Variants in KANSL1 observed in about 807,000 individuals in gnomAD.
The protein encoded by KANSL1 is KAT8 regulatory NSL complex subunit 1.
Under a neutral mutation model 103.6 loss-of-function variants are expected in KANSL1, and 22 were observed. The ratio of observed to expected loss-of-function variants is 0.21; its 90% CI spans 0.15 to 0.30. The LOEUF is 0.30. Ranked by LOEUF, KANSL1 falls within the 10% of genes least tolerant of loss-of-function variation. KANSL1 has a pLI of 1.00. For missense variants in KANSL1, 1,337 were observed against 1,399.8 expected (o/e 0.96, Z 0.72); for synonymous variants, 600 against 527.6 (o/e 1.14, Z -1.88).
chr17:46,102,413 C>T (rs1304920903), intron 2 of KANSL1, among the ~76,000 whole-genome samples: 1 of 152,142 alleles, frequency 6.6e-6, no homozygotes, highest in Admixed American at 6.5e-5. Context: ...CCATGCCTGG[C>T]TAATTTTTGT....
chr17:46,189,011 C>A (rs916087496), intron 1 of KANSL1, among the ~76,000 whole-genome samples: 3 of 107,814 alleles, frequency 2.8e-5, no homozygotes, highest in Non-Finnish European at 5.2e-5. Context: ...CCAGCCTGGG[C>A]AACAGAGCAA....
chr17:46,031,445 TAGTG>T lies in KANSL1; in HGVS notation c.*27_*30del, dbSNP rs768138439. 1.9e-6 allele frequency: 3 copies of T among 1,547,126 alleles called. No homozygotes were observed. The highest frequency in any genetic ancestry group is 3.4e-4 in the Middle Eastern group (2 of 5,898). ...TTTCTGAAGCTTTAATGCCAATAGTTAGTGAGTCTGTTTAGATGGCTGTCTCCCG... is the reference window on the plus strand; with the variant it reads ...TTTCTGAAGCTTTAATGCCAATAGTTAGTCTGTTTAGATGGCTGTCTCCCG... On this transcript the variant is annotated 3_prime_UTR_variant, in exon 15 of 15. Transcript: ENST00000432791.
chr17:46,050,439 A>G (rs2077672600), intron 7 of KANSL1, 94 bp downstream of exon 7: 22 of 1,271,888 alleles, frequency 1.7e-5, no homozygotes, highest in Non-Finnish European at 2.4e-5. Context: ...CCTTGAAAGT[A>G]TCTGAGTTGT....
intron 1 of KANSL1, among the ~76,000 whole-genome samples, chr17:46,185,053 G>A (rs1335908877): frequency 1.3e-5 from 2 of 151,988 alleles, no homozygotes; most frequent in African/African-American, 4.8e-5. Context: ...TGTTGGCCTG[G>A]CCTGACCTCG....
At chr17:46,158,324 T>C (rs934146025) in intron 2 of KANSL1, among the ~76,000 whole-genome samples, 1 of 151,850 alleles carries the variant, frequency 6.6e-6, no homozygotes, top group Non-Finnish European at 1.5e-5. Flanking sequence ...GGAGGAGGGG[T>C]TGGGGGAATT....
chr17:46,215,943 GGC>G (rs1247253932), intron 1 of KANSL1, among the ~76,000 whole-genome samples: 1 of 152,164 alleles, frequency 6.6e-6, no homozygotes, highest in African/African-American at 2.4e-5. Flanking sequence ...CGGAGGCTGA[GGC>G]AAGAGAGTCG....
At chr17:46,175,989 T>C (rs1382113130) in intron 1 of KANSL1, among the ~76,000 whole-genome samples, 4 of 152,220 alleles carry the variant, frequency 2.6e-5, no homozygotes, top group Non-Finnish European at 4.4e-5. Context: ...GTTTTTCCCA[T>C]GGACAAACGA....
intron 2 of KANSL1, among the ~76,000 whole-genome samples, chr17:46,140,272 T>C (rs2044354279): frequency 1.3e-5 from 2 of 152,202 alleles, no homozygotes; most frequent in Non-Finnish European, 2.9e-5. Context: ...CAACTAAATT[T>C]ACATTGTAAA....
chr17:46,184,586 C>T (rs1002761690), intron 1 of KANSL1, among the ~76,000 whole-genome samples: 1 of 152,204 alleles, frequency 6.6e-6, no homozygotes, highest in African/African-American at 2.4e-5. Context: ...CATCTCCAGC[C>T]TGTCCTCACT....
At chr17:46,042,748 GT>G (rs1233040962) in intron 7 of KANSL1, 1 of 147,422 alleles carries the variant, frequency 6.8e-6, no homozygotes, top group Non-Finnish European at 1.5e-5. Flanking sequence ...AGGACTGAAT[GT>G]TAGGCCTTCC....
intron 10 of KANSL1, among the ~76,000 whole-genome samples, chr17:46,036,873 A>G (rs941115774): frequency 6.6e-6 from 1 of 152,096 alleles, no homozygotes; most frequent in African/African-American, 2.4e-5. Flanking sequence ...CACCACGCCC[A>G]GTTAATTTTT....
chr17:46,189,165 G>A (rs2696566), intron 1 of KANSL1, among the ~76,000 whole-genome samples: 21,940 of 148,928 alleles, frequency 0.15, 2,144 homozygotes, highest in Non-Finnish European at 0.22. Flanking sequence ...AAACTGTAGC[G>A]CACAATGATT....
At chr17:46,077,058 TTTTG>T (rs1413032211) in intron 4 of KANSL1, among the ~76,000 whole-genome samples, 2 of 152,198 alleles carry the variant, frequency 1.3e-5, no homozygotes, top group African/African-American at 2.4e-5. Flanking sequence ...AGTACAATGT[TTTTG>T]TTTGTTTGAG....
intron 2 of KANSL1, among the ~76,000 whole-genome samples, chr17:46,142,893 TATAA>T (rs1360976255): frequency 6.6e-6 from 1 of 152,148 alleles, no homozygotes; most frequent in Non-Finnish European, 1.5e-5. Context: ...ATTCATACAA[TATAA>T]ATAAATACAA....
At chr17:46,056,440 GC>G (rs755185454) in intron 6 of KANSL1, among the ~76,000 whole-genome samples, 10 of 148,652 alleles carry the variant, frequency 6.7e-5, no homozygotes, top group Non-Finnish European at 1.2e-4. Flanking sequence ...CCACTTACTA[GC>G]TGTGTGGCCT....
At chr17:46,032,544 A>AAT (rs1235825227) in intron 13 of KANSL1, 18 of 427,688 alleles carry the variant, frequency 4.2e-5, no homozygotes, top group Non-Finnish European at 7.0e-5. Context: ...GTGCCTAGTG[A>AAT]ATTCAGGAGG....
intron 2 of KANSL1, among the ~76,000 whole-genome samples, chr17:46,102,626 A>G (rs17576842): frequency 0.14 from 21,690 of 151,982 alleles, 2,124 homozygotes; most frequent in Non-Finnish European, 0.22. Context: ...TTGTCTTACT[A>G]CTTCAACTAG....
intron 2 of KANSL1, among the ~76,000 whole-genome samples, chr17:46,096,311 CTTTTTT>C (rs71138525): frequency 5.2e-5 from 4 of 76,406 alleles, no homozygotes; most frequent in Admixed American, 3.5e-4. Context: ...GCTTTTTTTT[CTTTTTT>C]TTTTTTTTTT....
chr17:46,180,599 T>C (rs188565366), intron 1 of KANSL1, among the ~76,000 whole-genome samples: 2 of 152,174 alleles, frequency 1.3e-5, no homozygotes, highest in African/African-American at 4.8e-5. Flanking sequence ...GGCATGAGAA[T>C]CACTTGAACC....
Sources: allele counts gnomAD v4.1 joint callset (sites outside exome capture counted in the v4.1 genomes callset), GRCh38; gene constraint gnomAD v4.1.1; transcripts MANE v1.5; gene names NCBI Gene and HGNC (gene_info 2026-07-23, HGNC 2026-07-21).